Variants in ELL2 observed in about 807,000 individuals in gnomAD.
ELL2 encodes elongation factor for RNA polymerase II 2.
ELL2 carries 21 observed loss-of-function variants against 72.8 expected under a neutral mutation model. The ratio of observed to expected loss-of-function variants is 0.29; its 90% CI spans 0.20 to 0.42. The LOEUF (loss-of-function observed/expected upper bound fraction) is 0.42, where lower values mean the gene tolerates loss of function less well. ELL2 is among the 10% of genes least tolerant of loss of function. The probability of loss-of-function intolerance (pLI) is 1.00; values close to 1 mark genes in which losing one functional copy is unlikely to be tolerated. For missense variants in ELL2, 568 were observed against 772.8 expected (o/e 0.73, Z 3.14); for synonymous variants, 266 against 283.2 (o/e 0.94, Z 0.61).
chr5:95,901,381 T>C (rs901584328), intron 5 of ELL2, among the ~76,000 whole-genome samples: 1 of 152,220 alleles, frequency 6.6e-6, no homozygotes, highest in Non-Finnish European at 1.5e-5. Flanking sequence ...TCAATTATTT[T>C]AGTCAAAGGA....
At chr5:95,949,497 G>A (rs1751294579) in intron 1 of ELL2, among the ~76,000 whole-genome samples, 1 of 151,930 alleles carries the variant, frequency 6.6e-6, no homozygotes, top group Non-Finnish European at 1.5e-5. Flanking sequence ...ATTCTTTAAG[G>A]TTAGAGATGT....
intron 1 of ELL2, among the ~76,000 whole-genome samples, chr5:95,948,130 T>C (rs1159277320): frequency 1.3e-5 from 2 of 152,152 alleles, no homozygotes; most frequent in Non-Finnish European, 2.9e-5. Context: ...GCTGCAGCTC[T>C]TGAATGTTTT....
intron 1 of ELL2, among the ~76,000 whole-genome samples, chr5:95,960,997 C>G (rs1025461292): frequency 6.6e-6 from 1 of 151,938 alleles, no homozygotes; most frequent in African/African-American, 2.4e-5. Flanking sequence ...CGCCCGAGTC[C>G]CCATCCCTTC....
chr5:95,961,739 G>C lies in ELL2; in HGVS notation c.-18C>G. ...GCCGCCATCTTAAACTCCCCGGGGT[G>C]CCGCCGCCGCCGCCGCTCCGGCTCT... On this transcript the variant is annotated 5_prime_UTR_variant, in exon 1 of 12. Coordinates refer to ENST00000237853, the MANE Select transcript of ELL2 (RefSeq NM_012081.6). 1 of 1,538,228 alleles carries C rather than the reference G, an allele frequency of 6.5e-7. No homozygotes were observed. The highest frequency in any genetic ancestry group is 8.7e-7 in the Non-Finnish European group (1 of 1,144,412).
chr5:95,913,938 TC>T lies in ELL2; in HGVS notation c.318-5del. The T allele has an allele frequency of 6.3e-7, 1 of 1,581,366 alleles. No homozygotes were observed. Among genetic ancestry groups the T allele is most frequent in the Admixed American group, 1.9e-5 (1 of 54,016 alleles). Reference sequence around the variant, plus strand: ...ATTGAGCTGGGAGGCTCCAGAGCTGTCAAGTAAGTCAGTGGCTTTGTTAGAC... The same window carrying T: ...ATTGAGCTGGGAGGCTCCAGAGCTGTAAGTAAGTCAGTGGCTTTGTTAGAC... On this transcript the variant is annotated splice_region_variant and splice_polypyrimidine_tract_variant and intron_variant, in intron 3 of 11. Coordinates refer to ENST00000237853, the MANE Select transcript of ELL2 (RefSeq NM_012081.6).
intron 1 of ELL2, among the ~76,000 whole-genome samples, chr5:95,947,232 T>C (rs1411205008): frequency 6.6e-6 from 1 of 152,212 alleles, no homozygotes; most frequent in Non-Finnish European, 1.5e-5. Flanking sequence ...ATTTTGTATA[T>C]GTTCTCTTTA....
At position 95,887,178 on chromosome 5, in the gene ELL2, C is replaced by A. The variant is rs1748492959; in HGVS notation, c.*1693G>T. 6.6e-6 allele frequency: 1 copy of A among 152,108 alleles called. No homozygotes were observed. Among genetic ancestry groups the A allele is most frequent in the Non-Finnish European group, 1.5e-5 (1 of 68,018 alleles). The allele number at this position is 152,108 out of a possible 1,614,324, so 9.4% of individuals were successfully genotyped here. A position where few individuals can be genotyped will look rare whatever the true frequency, so the allele number is the denominator to read the frequency against. Reference sequence around the variant, plus strand: ...TCCATGCTACATAGAACCAAAATTTCTGCGGTAATGTTATAGAGTTGTAGT... The same window carrying A: ...TCCATGCTACATAGAACCAAAATTTATGCGGTAATGTTATAGAGTTGTAGT... On this transcript the variant is annotated 3_prime_UTR_variant, in exon 12 of 12. Coordinates refer to ENST00000237853, the MANE Select transcript of ELL2 (RefSeq NM_012081.6).
chr5:95,906,438 AATG>A (rs1749362235), intron 5 of ELL2, 82 bp downstream of exon 5: 22 of 1,406,096 alleles, frequency 1.6e-5, no homozygotes, highest in African/African-American at 2.9e-5. Flanking sequence ...TCTCAATAAT[AATG>A]ATAATAATGA....
intron 5 of ELL2, among the ~76,000 whole-genome samples, chr5:95,903,475 C>G (rs753345489): frequency 6.6e-6 from 1 of 151,616 alleles, no homozygotes; most frequent in Non-Finnish European, 1.5e-5. Flanking sequence ...GTGATCCCCC[C>G]ACCTCGGCCT....
intron 4 of ELL2, among the ~76,000 whole-genome samples, chr5:95,910,942 A>C (rs1749567101): frequency 6.6e-6 from 1 of 150,554 alleles, no homozygotes; most frequent in Admixed American, 6.6e-5. Flanking sequence ...ATTTGCTGAT[A>C]CCAACAATTT....
At position 95,961,738 on chromosome 5, in the gene ELL2, T is replaced by TGCC. The variant is rs748547152; in HGVS notation, c.-20_-18dup. The TGCC allele has an allele frequency of 5.3e-5, 84 of 1,580,406 alleles. No homozygotes were observed. Among genetic ancestry groups the TGCC allele is most frequent in the South Asian group, 6.8e-5 (6 of 88,144 alleles). On this transcript the variant is annotated 5_prime_UTR_variant, in exon 1 of 12. Coordinates refer to ENST00000237853, the MANE Select transcript of ELL2 (RefSeq NM_012081.6). ...CGCCGCCATCTTAAACTCCCCGGGG[T>TGCC]GCCGCCGCCGCCGCCGCTCCGGCTC...
intron 5 of ELL2, among the ~76,000 whole-genome samples, chr5:95,905,236 C>T (rs571358680): frequency 8.7e-5 from 12 of 137,742 alleles, no homozygotes; most frequent in Non-Finnish European, 1.3e-4. Context: ...TTGAGATACG[C>T]GCACACACAC....
intron 2 of ELL2, among the ~76,000 whole-genome samples, chr5:95,932,987 G>A (rs2112334863): frequency 6.6e-6 from 1 of 152,222 alleles, no homozygotes; most frequent in East Asian, 1.9e-4. Flanking sequence ...GAGACAACAA[G>A]GCACTGGATG....
intron 1 of ELL2, among the ~76,000 whole-genome samples, chr5:95,943,383 G>C (rs554668680): frequency 6.6e-6 from 1 of 152,054 alleles, no homozygotes; most frequent in East Asian, 1.9e-4. Context: ...TGCCTTGGAT[G>C]AACCATATCA....
At position 95,887,068 on chromosome 5, in the gene ELL2, C is replaced by T. The variant is rs1748488591; in HGVS notation, c.*1803G>A. 1.3e-5 allele frequency: 2 copies of T among 152,092 alleles called. No homozygotes were observed. The highest frequency in any genetic ancestry group is 4.8e-5 in the African/African-American group (2 of 41,488). The allele number at this position is 152,092 out of a possible 1,614,324, so 9.4% of individuals were successfully genotyped here. A position where few individuals can be genotyped will look rare whatever the true frequency, so the allele number is the denominator to read the frequency against. On this transcript the variant is annotated 3_prime_UTR_variant, in exon 12 of 12. Coordinates refer to ENST00000237853, the MANE Select transcript of ELL2 (RefSeq NM_012081.6). ...AATTAAAAAGTTTGAAATAAATTAA[C>T]GTTTAATAATGATTGTACCAATTCT...
chr5:95,905,834 T>C (rs951246418), intron 5 of ELL2, among the ~76,000 whole-genome samples: 1 of 151,758 alleles, frequency 6.6e-6, no homozygotes, highest in African/African-American at 2.4e-5. Flanking sequence ...TGGACCACCA[T>C]TTATGGTGGA....
At chr5:95,925,834 C>G (rs6877329) in intron 2 of ELL2, among the ~76,000 whole-genome samples, 56,792 of 151,974 alleles carry the variant, frequency 0.37, 11,946 homozygotes, top group African/African-American at 0.58. Flanking sequence ...TCCCAGGAAG[C>G]CAGTCCATCT....
At chr5:95,907,702 A>G (rs1749429145) in intron 4 of ELL2, among the ~76,000 whole-genome samples, 1 of 152,242 alleles carries the variant, frequency 6.6e-6, no homozygotes, top group African/African-American at 2.4e-5. Flanking sequence ...ATGATTCTAC[A>G]GGTGGAATCT....
At chr5:95,893,313 A>G (rs1682427890) in intron 9 of ELL2, among the ~76,000 whole-genome samples, 1 of 152,242 alleles carries the variant, frequency 6.6e-6, no homozygotes, top group Admixed American at 6.5e-5. Flanking sequence ...ACTACAAGTA[A>G]AAGTATTCTT....
Sources: gnomAD v4.1 joint callset for allele counts (sites outside exome capture counted in the v4.1 genomes callset) on GRCh38, gnomAD v4.1.1 for gene constraint, MANE v1.5 for transcripts, NCBI Gene and HGNC (gene_info 2026-07-23, HGNC 2026-07-21) for gene names.